Variants in TOM1L2 observed in about 807,000 individuals in gnomAD.
TOM1L2 encodes the protein target of myb1 like 2 membrane trafficking protein, also known as TOM1-like protein 2.
TOM1L2 carries 31 observed loss-of-function variants against 67.9 expected under a neutral mutation model. The ratio of observed to expected loss-of-function variants is 0.46; its 90% CI spans 0.34 to 0.62. The LOEUF (loss-of-function observed/expected upper bound fraction) is 0.62. Among genes scored for constraint, TOM1L2 ranks in the 20% least tolerant of loss-of-function variants. The pLI, the probability that TOM1L2 is intolerant of heterozygous loss-of-function variation, is 0.01. For missense variants in TOM1L2, 606 were observed against 663.5 expected (o/e 0.91, Z 0.95); for synonymous variants, 256 against 254.0 (o/e 1.01, Z -0.07).
chr17:17,882,939 T>C (rs964675550), intron 5 of TOM1L2, 76 bp from the exon 6 acceptor site: 12 of 1,564,308 alleles, frequency 7.7e-6, no homozygotes, highest in Non-Finnish European at 1.0e-5. Context: ...CCCCACCCCA[T>C]GCAGCACTTC....
chr17:17,852,864 TA>T (rs552138706), intron 12 of TOM1L2, among the ~76,000 whole-genome samples: 1,926 of 37,716 alleles, frequency 0.051, 35 homozygotes, highest in African/African-American at 0.15. Context: ...AAACTCTGTC[TA>T]AAAAAAAAAA....
At chr17:17,852,167 AAGTAAAAATAAGC>A (rs1184915724) in intron 12 of TOM1L2, among the ~76,000 whole-genome samples, 2 of 152,204 alleles carry the variant, frequency 1.3e-5, no homozygotes, top group Non-Finnish European at 2.9e-5. Flanking sequence ...GGTAAGACTA[AAGTAAAAATAAGC>A]AGTAAAAGGA....
At chr17:17,956,065 C>G (rs1481577911) in intron 1 of TOM1L2, among the ~76,000 whole-genome samples, 1 of 149,774 alleles carries the variant, frequency 6.7e-6, no homozygotes, top group African/African-American at 2.6e-5. Flanking sequence ...TAAGCAGCAA[C>G]ATTTGTTTCA....
At chr17:17,909,944 G>A (rs1285968128) in intron 1 of TOM1L2, among the ~76,000 whole-genome samples, 1 of 152,180 alleles carries the variant, frequency 6.6e-6, no homozygotes, top group Non-Finnish European at 1.5e-5. Context: ...CAGGAAGATT[G>A]CTTAAGTCCA....
At chr17:17,969,947 G>A (rs1182968792) in intron 1 of TOM1L2, among the ~76,000 whole-genome samples, 1 of 152,040 alleles carries the variant, frequency 6.6e-6, no homozygotes, top group Non-Finnish European at 1.5e-5. Context: ...CCAAGAAATG[G>A]GGGCCAGGTC....
intron 1 of TOM1L2, among the ~76,000 whole-genome samples, chr17:17,944,251 A>G (rs2040850866): frequency 6.6e-6 from 1 of 152,262 alleles, no homozygotes; most frequent in Non-Finnish European, 1.5e-5. Context: ...GTGAGTGGAC[A>G]GGTGAGGACG....
intron 12 of TOM1L2, among the ~76,000 whole-genome samples, chr17:17,856,833 CA>C (rs1355214132): frequency 2.6e-5 from 4 of 152,356 alleles, no homozygotes; most frequent in African/African-American, 7.2e-5. Flanking sequence ...CCTGAACAGA[CA>C]AGGCAGGAGA....
chr17:17,947,481 A>C (rs894510191), intron 1 of TOM1L2, among the ~76,000 whole-genome samples: 3 of 152,252 alleles, frequency 2.0e-5, no homozygotes, highest in African/African-American at 7.2e-5. Flanking sequence ...GCCCTAATCC[A>C]ATCATGCATG....
intron 1 of TOM1L2, among the ~76,000 whole-genome samples, chr17:17,964,296 G>A (rs2145049335): frequency 6.6e-6 from 1 of 152,258 alleles, no homozygotes; most frequent in Non-Finnish European, 1.5e-5. Context: ...TATCTGCTAG[G>A]TCAAGAGCAA....
intron 1 of TOM1L2, 49 bp from the exon 2 acceptor site, chr17:17,907,580 G>T: frequency 6.4e-7 from 1 of 1,561,184 alleles, no homozygotes; most frequent in Non-Finnish European, 8.8e-7. Context: ...GGAATAAGTG[G>T]GCCTTGGCAG....
intron 7 of TOM1L2, among the ~76,000 whole-genome samples, chr17:17,877,186 C>G (rs1273876312): frequency 6.6e-6 from 1 of 152,344 alleles, no homozygotes; most frequent in Non-Finnish European, 1.5e-5. Flanking sequence ...GGAAGCTACA[C>G]CCAAAAGTGC....
intron 12 of TOM1L2, among the ~76,000 whole-genome samples, chr17:17,852,593 C>A (rs999412424): frequency 6.6e-6 from 1 of 152,148 alleles, no homozygotes; most frequent in African/African-American, 2.4e-5. Context: ...GAGCAGGGCA[C>A]GGTGGCTCAT....
chr17:17,936,148 C>T lies in TOM1L2; in HGVS notation c.53-28617G>A, dbSNP rs570960623. 3.3e-5 allele frequency among the ~76,000 whole-genome samples: 5 copies of T among 152,354 alleles called. No homozygotes were observed. The East Asian group carries it at 7.7e-4, about 23-fold the overall frequency. On this transcript the variant is annotated intron_variant, in intron 1 of 14. Transcript: ENST00000379504. ...AGCCCATCTCTCTCCACCCTCCCTTCGGCCTCTGGCCTTAGCTCCCCCAGG... is the reference window on the plus strand; with the variant it reads ...AGCCCATCTCTCTCCACCCTCCCTTTGGCCTCTGGCCTTAGCTCCCCCAGG...
At position 17,885,861 on chromosome 17, in the gene TOM1L2, C is replaced by T. The variant is rs560225617; in HGVS notation, c.367-1093G>A. ...AATGGTGTGAATCCGGGAGGCAGAG[C>T]TTGCAGTGAGCTGAGATGGCGCCAC... On this transcript the variant is annotated intron_variant, in intron 4 of 14. Transcript: ENST00000379504. 6.7e-5 allele frequency among the ~76,000 whole-genome samples: 9 copies of T among 134,984 alleles called. No individual in the cohort carries two copies. The South Asian group carries it at 7.0e-4, about 11-fold the overall frequency. The allele number at this position is 134,984 out of a possible 152,430, so 88.6% of individuals were successfully genotyped here.
At chr17:17,953,155 C>A (rs767294561) in intron 1 of TOM1L2, among the ~76,000 whole-genome samples, 44 of 152,250 alleles carry the variant, frequency 2.9e-4, no homozygotes, top group Non-Finnish European at 6.0e-4. Flanking sequence ...GTGGTCACAC[C>A]TGTAATCCCA....
intron 1 of TOM1L2, among the ~76,000 whole-genome samples, chr17:17,931,853 G>A (rs752704927): frequency 3.3e-5 from 5 of 152,166 alleles, no homozygotes; most frequent in Non-Finnish European, 5.9e-5. Flanking sequence ...CCTCTTCCTT[G>A]TCAGAAAATA....
At chr17:17,967,166 A>G (rs1188719547) in intron 1 of TOM1L2, among the ~76,000 whole-genome samples, 2 of 152,212 alleles carry the variant, frequency 1.3e-5, no homozygotes, top group African/African-American at 4.8e-5. Flanking sequence ...TTAAACGTCT[A>G]CCATTCACAG....
chr17:17,922,342 T>G (rs1712769962), intron 1 of TOM1L2, among the ~76,000 whole-genome samples: 1 of 151,994 alleles, frequency 6.6e-6, no homozygotes, highest in South Asian at 2.1e-4. Flanking sequence ...AGCTCTGGAG[T>G]GTCCTTTCAT....
chr17:17,941,340 G>C (rs975711334), intron 1 of TOM1L2, among the ~76,000 whole-genome samples: 2 of 152,208 alleles, frequency 1.3e-5, no homozygotes, highest in African/African-American at 4.8e-5. Flanking sequence ...GATGGCACTT[G>C]TGTCCTGGCT....
Sources: gnomAD v4.1 joint callset for allele counts (sites outside exome capture counted in the v4.1 genomes callset) on GRCh38, gnomAD v4.1.1 for gene constraint, MANE v1.5 for transcripts, NCBI Gene and HGNC (gene_info 2026-07-23, HGNC 2026-07-21) for gene names.